TEC: variants seen among roughly 807,000 people sequenced by gnomAD.
The protein encoded by TEC is tec protein tyrosine kinase, also known as tyrosine-protein kinase Tec.
Under a neutral mutation model 93.0 loss-of-function variants are expected in TEC, and 72 were observed. The observed-to-expected ratio is 0.77, with a 90% CI of 0.64 to 0.94. The LOEUF (loss-of-function observed/expected upper bound fraction) is 0.94. TEC is among the 40% of genes least tolerant of loss of function. TEC has a pLI of 0.00. For synonymous variants in TEC, 249 were observed against 247.7 expected (o/e 1.01, Z -0.05); for missense variants, 630 against 757.9 (o/e 0.83, Z 1.98).
At chr4:48,160,766 GAAAA>G (rs200086372) in intron 8 of TEC, among the ~76,000 whole-genome samples, 2 of 106,624 alleles carry the variant, frequency 1.9e-5, no homozygotes, top group South Asian at 7.0e-4. Flanking sequence ...AGAAAGAAAA[GAAAA>G]AAAGAAAGAA....
chr4:48,141,462 A>G, intron 14 of TEC, 43 bp from the exon 15 acceptor site: 1 of 1,569,326 alleles, frequency 6.4e-7, no homozygotes, highest in South Asian at 1.1e-5. Flanking sequence ...TAAAAATTCT[A>G]TCATTTAAGT....
intron 2 of TEC, among the ~76,000 whole-genome samples, chr4:48,207,316 AG>A (rs1270455583): frequency 1.3e-5 from 2 of 152,208 alleles, no homozygotes; most frequent in African/African-American, 4.8e-5. Context: ...GGCAGGCATC[AG>A]GTGCTTTAAC....
intron 1 of TEC, among the ~76,000 whole-genome samples, chr4:48,254,009 TC>T (rs1724276372): frequency 6.6e-6 from 1 of 152,176 alleles, no homozygotes; most frequent in African/African-American, 2.4e-5. Context: ...GGAAGGCTCC[TC>T]CCTCTTTATC....
At chr4:48,253,572 C>CTT (rs34702593) in intron 1 of TEC, among the ~76,000 whole-genome samples, 12,647 of 131,834 alleles carry the variant, frequency 0.096, 880 homozygotes, top group South Asian at 0.17. Context: ...ATGTCCAATT[C>CTT]TTTTTTTTTT....
intron 2 of TEC, among the ~76,000 whole-genome samples, chr4:48,217,936 A>G (rs567284404): frequency 6.7e-6 from 1 of 149,296 alleles, no homozygotes; most frequent in African/African-American, 2.5e-5. Context: ...TCTGTCTTAA[A>G]TAGATTTCAG....
intron 3 of TEC, among the ~76,000 whole-genome samples, chr4:48,173,030 C>T (rs1365953706): frequency 6.6e-6 from 1 of 152,178 alleles, no homozygotes; most frequent in African/African-American, 2.4e-5. Flanking sequence ...GGGCTAAGCA[C>T]TTTATATGCA....
chr4:48,142,693 T>TTTTTA (rs1719730509), intron 14 of TEC, among the ~76,000 whole-genome samples: 1 of 151,818 alleles, frequency 6.6e-6, no homozygotes, highest in African/African-American at 2.4e-5. Context: ...TTTAATTTTT[T>TTTTTA]ATTTTTGAAA....
chr4:48,201,906 T>A (rs1722524053), intron 2 of TEC, among the ~76,000 whole-genome samples: 1 of 150,988 alleles, frequency 6.6e-6, no homozygotes, highest in Non-Finnish European at 1.5e-5. Context: ...GCAGGGAGAG[T>A]CACAGGGGAA....
At chr4:48,149,924 A>G (rs1720089948) in intron 10 of TEC, among the ~76,000 whole-genome samples, 2 of 152,242 alleles carry the variant, frequency 1.3e-5, no homozygotes, top group South Asian at 4.1e-4. Flanking sequence ...TTGAAAGAGA[A>G]CATTTATGAA....
intron 2 of TEC, among the ~76,000 whole-genome samples, chr4:48,213,696 T>TAAA: frequency 6.6e-6 from 1 of 152,230 alleles, no homozygotes; most frequent in Non-Finnish European, 1.5e-5. Flanking sequence ...TGTGATTTCT[T>TAAA]TTGACAGTTG....
chr4:48,267,732 A>G (rs1226670674), intron 1 of TEC, among the ~76,000 whole-genome samples: 2 of 152,150 alleles, frequency 1.3e-5, no homozygotes, highest in Admixed American at 1.3e-4. Flanking sequence ...TCCACGGGGA[A>G]CCAGCACCAT....
chr4:48,196,931 T>C (rs1722319046), intron 2 of TEC, among the ~76,000 whole-genome samples: 1 of 152,228 alleles, frequency 6.6e-6, no homozygotes, highest in African/African-American at 2.4e-5. Flanking sequence ...AAACCAATAC[T>C]GAGCCAGCCA....
chr4:48,212,337 CAT>C (rs1194095153), intron 2 of TEC, among the ~76,000 whole-genome samples: 1 of 151,994 alleles, frequency 6.6e-6, no homozygotes, highest in Admixed American at 6.6e-5. Context: ...AGGAAGGAAA[CAT>C]ATGAATAGAG....
chr4:48,168,601 T>C lies in TEC; in HGVS notation c.480A>G (p.Ala160=), dbSNP rs1183270625. The part of the protein sequence containing the change: ...ESSIRKALPP[A]PETKKRRPPP... ...GACCACCTACCTTCTTTGTTTCTGG[T>C]GCTGGAGGTAGTGCTTTTCTTATAC... Residue 160 remains alanine, a synonymous_variant, in exon 6 of 18, where the codon GCA becomes GCG. Transcript: ENST00000381501. 1.9e-6 allele frequency: 3 copies of C among 1,607,496 alleles called. No individual in the cohort carries two copies. Among genetic ancestry groups the C allele is most frequent in the Non-Finnish European group, 2.5e-6 (3 of 1,178,520 alleles).
At chr4:48,225,918 A>AG (rs1407740027) in intron 2 of TEC, among the ~76,000 whole-genome samples, 5 of 152,116 alleles carry the variant, frequency 3.3e-5, no homozygotes, top group Admixed American at 2.6e-4. Flanking sequence ...TCTCTAGCCC[A>AG]GGCAGCAGCA....
At chr4:48,258,251 C>T (rs1253536645) in intron 1 of TEC, among the ~76,000 whole-genome samples, 1 of 151,366 alleles carries the variant, frequency 6.6e-6, no homozygotes, top group Non-Finnish European at 1.5e-5. Context: ...AAGCAATTCT[C>T]CTGCCTCAGC....
At chr4:48,175,110 G>A (rs182487139) in intron 3 of TEC, among the ~76,000 whole-genome samples, 5 of 152,272 alleles carry the variant, frequency 3.3e-5, no homozygotes, top group South Asian at 2.1e-4. Flanking sequence ...ATAAAATAAG[G>A]AACAGGGAAA....
intron 7 of TEC, among the ~76,000 whole-genome samples, chr4:48,166,284 G>A (rs985598176): frequency 6.6e-6 from 1 of 152,134 alleles, no homozygotes; most frequent in African/African-American, 2.4e-5. Context: ...GCAACATTCT[G>A]GCACAGAGCT....
chr4:48,192,149 T>C lies in TEC; in HGVS notation c.139-15963A>G, dbSNP rs552162726. Among the ~76,000 whole-genome samples, 5 of 152,332 alleles carry C rather than the reference T, an allele frequency of 3.3e-5. No individual in the cohort carries two copies. The East Asian group carries it at 9.6e-4, about 29-fold the overall frequency. ...GGGGAAACAAATTGTGGTATAGCCA[T>C]ACAATGGAGTACTTCACAGTAATAG... On this transcript the variant is annotated intron_variant, in intron 2 of 17. Coordinates refer to ENST00000381501, the MANE Select transcript of TEC (RefSeq NM_003215.3).
Sources: allele counts gnomAD v4.1 joint callset (sites outside exome capture counted in the v4.1 genomes callset), GRCh38; gene constraint gnomAD v4.1.1; transcripts MANE v1.5; gene names NCBI Gene and HGNC (gene_info 2026-07-23, HGNC 2026-07-21).